Variants in WWC1 observed in about 807,000 individuals in gnomAD.
WWC1 encodes WW and C2 domain containing 1.
A neutral mutation model predicts 138.4 loss-of-function variants in WWC1; 55 were observed. The ratio of observed to expected loss-of-function variants is 0.40; its 90% confidence interval spans 0.32 to 0.50. The LOEUF is 0.50. Among genes scored for constraint, WWC1 ranks in the 20% least tolerant of loss-of-function variants. WWC1 has a pLI of 0.72. For missense variants in WWC1, 1,226 were observed against 1,420.4 expected (o/e 0.86, Z 2.20); for synonymous variants, 524 against 564.9 (o/e 0.93, Z 1.03).
At chr5:168,429,188 C>A (rs962565261) in intron 13 of WWC1, among the ~76,000 whole-genome samples, 2 of 151,796 alleles carry the variant, frequency 1.3e-5, no homozygotes, top group Middle Eastern at 3.2e-3. Flanking sequence ...GGGCTGCAGC[C>A]CAGATTGGGT....
intron 15 of WWC1, among the ~76,000 whole-genome samples, chr5:168,433,892 G>T (rs1489154377): frequency 6.6e-6 from 1 of 152,222 alleles, no homozygotes; most frequent in Non-Finnish European, 1.5e-5. Flanking sequence ...GTATTCCAGT[G>T]GAGAAACTGA....
At chr5:168,335,581 A>C (rs1463641287) in intron 1 of WWC1, among the ~76,000 whole-genome samples, 1 of 152,226 alleles carries the variant, frequency 6.6e-6, no homozygotes, top group African/African-American at 2.4e-5. Context: ...TAAACAGAAG[A>C]GGAATTAGGA....
At chr5:168,446,232 TAAAAAAAAA>T (rs60746695) in intron 17 of WWC1, among the ~76,000 whole-genome samples, 11 of 58,768 alleles carry the variant, frequency 1.9e-4, no homozygotes, top group South Asian at 9.2e-4. Context: ...CTCCCATTAT[TAAAAAAAAA>T]AAAAAAAAAA....
At chr5:168,333,786 G>C (rs1382774685) in intron 1 of WWC1, among the ~76,000 whole-genome samples, 1 of 152,008 alleles carries the variant, frequency 6.6e-6, no homozygotes, top group Non-Finnish European at 1.5e-5. Context: ...TCTATGCTGA[G>C]GACTCAGAAA....
At chr5:168,404,016 C>A (rs1335605670) in intron 5 of WWC1, among the ~76,000 whole-genome samples, 1 of 150,514 alleles carries the variant, frequency 6.6e-6, no homozygotes, top group Non-Finnish European at 1.5e-5. Flanking sequence ...CAATAGTGTT[C>A]CCTCTCAGAG....
chr5:168,297,290 G>A (rs1769621619), intron 1 of WWC1, among the ~76,000 whole-genome samples: 1 of 152,122 alleles, frequency 6.6e-6, no homozygotes, highest in African/African-American at 2.4e-5. Context: ...AGCTGGAGTG[G>A]ACCTTTCTGT....
rs10527141 is a variant in WWC1, at chr5:168,465,548, C to CTTTTTTTTTTTTTTTTTTTTTTT, written c.3150+592_3150+614dup. Among the ~76,000 whole-genome samples the CTTTTTTTTTTTTTTTTTTTTTTT allele has an allele frequency of 8.9e-4, 42 of 46,932 alleles. 21 individuals are homozygous for CTTTTTTTTTTTTTTTTTTTTTTT. Among genetic ancestry groups the CTTTTTTTTTTTTTTTTTTTTTTT allele is most frequent in the African/African-American group, 1.0e-3 (12 of 11,916 alleles). The allele number at this position is 46,932 out of a possible 152,430, so 30.8% of individuals were successfully genotyped here. A position where few individuals can be genotyped will look rare whatever the true frequency, so the allele number is the denominator to read the frequency against. On this transcript the variant is annotated intron_variant, in intron 21 of 22. Coordinates refer to ENST00000265293, the MANE Select transcript of WWC1 (RefSeq NM_015238.3). ...CACACAAAGTTTTATATCAGCTGGG[C>CTTTTTTTTTTTTTTTTTTTTTTT]TTTTTTTTTTTTTTTTTTTTTTTTT...
In WWC1 at chr5:168,428,124, C is replaced by T. The variant is rs146570615; in HGVS notation, c.1902C>T (p.Tyr634=). ...CAGTGGCTGGAGACAGTGGTGTGTA[C>T]GAGGCTTCCGTGCAGAGGTAGGTGT... is the stretch of plus-strand genomic sequence containing the variant. The part of the protein sequence containing the change: ...DESVAGDSGV[Y]EASVQRLGAS... Residue 634 remains tyrosine (Y), a synonymous_variant, in exon 12 of 23, where the codon TAC becomes TAT. Transcript: ENST00000265293. 2.6e-3 allele frequency: 4,135 copies of T among 1,613,226 alleles called. 81 individuals are homozygous for T. In the East Asian group the frequency reaches 0.04, roughly 16 times the overall value.
Position 168,311,374 on chromosome 5 carries a change from C to T in WWC1, c.119+19103C>T, listed in dbSNP as rs567863333. Among the ~76,000 whole-genome samples the T allele has an allele frequency of 3.9e-5, 6 of 152,288 alleles. No individual in the cohort carries two copies. In the South Asian group the frequency reaches 8.3e-4, roughly 21 times the overall value. On this transcript the variant is annotated intron_variant, in intron 1 of 22. Transcript: ENST00000265293. ...AGCGGCCCCTGCTGCTGGGCAGGTG[C>T]GGGCTGCAACAGGGAGGTGTGAGGA...
At chr5:168,327,425 T>TA (rs1397159158) in intron 1 of WWC1, among the ~76,000 whole-genome samples, 53 of 152,378 alleles carry the variant, frequency 3.5e-4, no homozygotes, top group African/African-American at 1.3e-3. Context: ...AGGATCTTAC[T>TA]TTTTGGGGCC....
chr5:168,427,982 C>T (rs1265328120), intron 11 of WWC1, 51 bp from the exon 12 acceptor site: 4 of 1,536,336 alleles, frequency 2.6e-6, no homozygotes, highest in Middle Eastern at 3.4e-4. Flanking sequence ...TTGGGAGTCG[C>T]AAAGGCAGTT....
At chr5:168,403,004 CTTTTTCTTTCTTTCTTTCTTTCTTTCTT>C (rs1178166587) in intron 5 of WWC1, among the ~76,000 whole-genome samples, 35 of 125,506 alleles carry the variant, frequency 2.8e-4, no homozygotes, top group Middle Eastern at 4.4e-3. Flanking sequence ...TCTGTTGTTT[CTTTTTCTTTCTTTCTTTCTTTCTTTCTT>C]TCTTTCTTTC....
At chr5:168,447,679 A>G (rs1395947853) in intron 17 of WWC1, among the ~76,000 whole-genome samples, 2 of 151,822 alleles carry the variant, frequency 1.3e-5, no homozygotes, top group African/African-American at 2.4e-5. Flanking sequence ...TATTTTTTTC[A>G]TGTGATAAAG....
At chr5:168,429,402 G>A (rs528475788) in intron 13 of WWC1, among the ~76,000 whole-genome samples, 4 of 151,928 alleles carry the variant, frequency 2.6e-5, no homozygotes, top group African/African-American at 4.8e-5. Flanking sequence ...GGGATTACAG[G>A]TGTGTGCCAC....
intron 16 of WWC1, among the ~76,000 whole-genome samples, chr5:168,444,071 C>A (rs571690170): frequency 3.2e-4 from 48 of 152,302 alleles, no homozygotes; most frequent in Middle Eastern, 6.8e-3. Flanking sequence ...ACTTCCCAAG[C>A]TTTATCACTG....
chr5:168,432,919 C>T (rs1782060943), intron 15 of WWC1, among the ~76,000 whole-genome samples: 1 of 152,222 alleles, frequency 6.6e-6, no homozygotes, highest in Admixed American at 6.5e-5. Context: ...GGAGGGCTCG[C>T]CCCTTTCTCC....
intron 21 of WWC1, among the ~76,000 whole-genome samples, chr5:168,466,333 T>G (rs1231183098): frequency 6.6e-6 from 1 of 152,102 alleles, no homozygotes; most frequent in African/African-American, 2.4e-5. Flanking sequence ...TATGAAAAAT[T>G]TCATAAATTT....
In WWC1 at chr5:168,471,247, G is replaced by T; in HGVS notation, c.*2230G>T. 1 of 152,870 alleles carries T rather than the reference G, an allele frequency of 6.5e-6. No individual in the cohort carries two copies. The highest frequency in any genetic ancestry group is 1.5e-5 in the Non-Finnish European group (1 of 68,618). The allele number at this position is 152,870 out of a possible 1,614,324, so 9.5% of individuals were successfully genotyped here. Reference sequence around the variant, plus strand: ...CTCTTCTTCCCCCTGTGGCTTCCAGGCCCCCCTGTATAGCTGCTATCCAGC... The same window carrying T: ...CTCTTCTTCCCCCTGTGGCTTCCAGTCCCCCCTGTATAGCTGCTATCCAGC... On this transcript the variant is annotated 3_prime_UTR_variant, in exon 23 of 23. Transcript: ENST00000265293.
rs568525089 is a variant in WWC1 at position 168,453,903 on chromosome 5, T to TAA, written c.2526-63_2526-62dup. 8 of 1,600,918 alleles carry TAA rather than the reference T, an allele frequency of 5.0e-6. No homozygotes were observed. The African/African-American group carries it at 9.5e-5, about 19-fold the overall frequency. ...ATTGGAAGCCCTACCTTGGGTGTATTAAAGGCAGGTGAACAGAGGCAGAGC... is the reference window on the plus strand; with the variant it reads ...ATTGGAAGCCCTACCTTGGGTGTATTAAAAAGGCAGGTGAACAGAGGCAGAGC... On this transcript the variant is annotated intron_variant, in intron 17 of 22. Coordinates refer to ENST00000265293, the MANE Select transcript of WWC1 (RefSeq NM_015238.3).
Sources: allele counts gnomAD v4.1 joint callset (sites outside exome capture counted in the v4.1 genomes callset), GRCh38; gene constraint gnomAD v4.1.1; transcripts MANE v1.5; gene names NCBI Gene and HGNC (gene_info 2026-07-23, HGNC 2026-07-21).